Variants in DMD observed in about 807,000 individuals in gnomAD.
DMD encodes mutant dystrophin.
In DMD, 63 loss-of-function variants were observed where a neutral mutation model predicts 330.1. That is an observed-to-expected ratio of 0.19 (90% CI 0.16 to 0.24). The LOEUF (loss-of-function observed/expected upper bound fraction) is 0.24, where lower values mean the gene tolerates loss of function less well. Among genes scored for constraint, DMD ranks in the 10% least tolerant of loss-of-function variants. The pLI, the probability that DMD is intolerant of heterozygous loss-of-function variation, is 1.00. For missense variants in DMD, 3,344 were observed against 2,684.1 expected (o/e 1.25, Z -5.43); for synonymous variants, 1,223 against 959.8 (o/e 1.27, Z -5.07).
At chrX:31,875,438 A>G (rs976791632) in intron 47 of DMD, 65 bp from the exon 48 acceptor site, 1 of 890,440 alleles carries the variant, frequency 1.1e-6, no homozygotes. Context: ...ATGTTTAAAA[A>G]TATATTTTCA....
chrX:32,696,809 C>T (rs893214248), intron 9 of DMD, among the ~76,000 whole-genome samples: 1 of 110,839 alleles, frequency 9.0e-6, no homozygotes, highest in South Asian at 3.9e-4. Flanking sequence ...TCTAGAGAGT[C>T]GATGGAGAGT....
intron 45 of DMD, among the ~76,000 whole-genome samples, chrX:31,949,824 C>A (rs1288841378): frequency 9.1e-6 from 1 of 109,936 alleles, no homozygotes; most frequent in Non-Finnish European, 1.9e-5. Flanking sequence ...TTATTACATT[C>A]TAGTCTTTCT....
Position 32,279,914 on chromosome X carries a change from AC to A in DMD, c.6290+7614del, listed in dbSNP as rs199690820. ...ATGCCTATATCAAAACATCTCATGT[AC>A]CCCATATATATATATGTACCCCACA... On this transcript the variant is annotated intron_variant, in intron 43 of 78. Transcript: ENST00000357033. Among the ~76,000 whole-genome samples, 503 of 88,369 alleles carry A rather than the reference AC, an allele frequency of 5.7e-3. 2 individuals carry two copies. Among genetic ancestry groups the A allele is most frequent in the African/African-American group, 0.019 (484 of 25,721 alleles). 76.7% of individuals were successfully genotyped at this position (88,369 alleles called of 115,157 possible).
At position 33,114,679 on chromosome X, in the gene DMD, A is replaced by G. The variant is rs746627680; in HGVS notation, c.32-94479T>C. 2.7e-5 allele frequency among the ~76,000 whole-genome samples: 3 copies of G among 112,212 alleles called. No homozygotes were observed. The Admixed American group carries it at 2.8e-4, about 11-fold the overall frequency. On this transcript the variant is annotated intron_variant, in intron 1 of 78. Transcript: ENST00000357033. ...AGATTTATTCTAAAAAGTTGAAAAT[A>G]AATATAATGTAGAAGTTATTATTAT...
chrX:33,142,609 A>G (rs1177813982), intron 1 of DMD, among the ~76,000 whole-genome samples: 4 of 112,047 alleles, frequency 3.6e-5, no homozygotes, highest in Admixed American at 1.9e-4. Context: ...AATAGTTCAC[A>G]GCCTCCCCCG....
intron 2 of DMD, among the ~76,000 whole-genome samples, chrX:32,964,740 C>A (rs1041625967): frequency 3.6e-5 from 4 of 111,457 alleles, no homozygotes; most frequent in Admixed American, 9.6e-5. Context: ...ACAAAAAGTT[C>A]TCTTTATAGA....
intron 45 of DMD, among the ~76,000 whole-genome samples, chrX:31,956,533 T>C (rs1328595555): frequency 9.0e-6 from 1 of 111,566 alleles, no homozygotes; most frequent in African/African-American, 3.3e-5. Flanking sequence ...TAAATTCAGA[T>C]AAGATTAGTG....
At chrX:32,305,705 T>C (rs977579509) in intron 42 of DMD, among the ~76,000 whole-genome samples, 55 of 111,099 alleles carry the variant, frequency 5.0e-4, no homozygotes, top group African/African-American at 1.7e-3. Context: ...AACTTACAAT[T>C]GCTCTCATCT....
chrX:31,945,737 T>G (rs2095077448), intron 45 of DMD, among the ~76,000 whole-genome samples: 1 of 111,752 alleles, frequency 8.9e-6, no homozygotes, highest in South Asian at 3.8e-4. Flanking sequence ...AACTTTCACT[T>G]TCAGAACTTT....
chrX:31,203,921 T>C, intron 67 of DMD, 40 bp downstream of exon 67: 1 of 1,153,973 alleles, frequency 8.7e-7, no homozygotes, highest in Non-Finnish European at 1.2e-6. Flanking sequence ...TTCTAAAATA[T>C]GAAAGAATAA....
Position 31,266,159 on chromosome X carries a change from C to CAAAAAAAAAAA in DMD, c.9225-5154_9225-5144dup, listed in dbSNP as rs1174153877. 4.1e-3 allele frequency among the ~76,000 whole-genome samples: 54 copies of CAAAAAAAAAAA among 13,327 alleles called. 10 individuals carry two copies. The highest frequency in any genetic ancestry group is 0.015 in the African/African-American group (41 of 2,690). The allele number at this position is 13,327 out of a possible 115,157, so 11.6% of individuals were successfully genotyped here. A position where few individuals can be genotyped will look rare whatever the true frequency, so the allele number is the denominator to read the frequency against. On this transcript the variant is annotated intron_variant, in intron 62 of 78. Coordinates refer to ENST00000357033, the MANE Select transcript of DMD (RefSeq NM_004006.3). ...TGACTCCACACCCAATCCCGAAGGG[C>CAAAAAAAAAAA]AAAAAAAAAAAAAAAAAAAAAAAAG...
At chrX:33,127,848 C>G (rs1359865603) in intron 1 of DMD, among the ~76,000 whole-genome samples, 2 of 110,542 alleles carry the variant, frequency 1.8e-5, no homozygotes, top group African/African-American at 3.3e-5. Flanking sequence ...ATTTTAGATA[C>G]CTGAAGACAA....
At chrX:32,518,575 A>G (rs1603635344) in intron 17 of DMD, among the ~76,000 whole-genome samples, 2 of 111,517 alleles carry the variant, frequency 1.8e-5, no homozygotes, top group African/African-American at 6.5e-5. Flanking sequence ...GTGACTTTCT[A>G]TCACAAATGG....
chrX:31,230,664 G>A (rs5972343), intron 63 of DMD, among the ~76,000 whole-genome samples: 41,651 of 95,494 alleles, frequency 0.44, 7,940 homozygotes, highest in African/African-American at 0.8. Flanking sequence ...AAAAAAAAAA[G>A]GGAGAGAAGC....
intron 9 of DMD, among the ~76,000 whole-genome samples, chrX:32,648,007 C>T (rs60202007): frequency 0.02 from 2,260 of 111,944 alleles, 55 homozygotes; most frequent in African/African-American, 0.069. Context: ...CTTCTCCAAA[C>T]GAAGCATTGT....
At chrX:32,747,471 TTTA>T (rs1273940555) in intron 7 of DMD, among the ~76,000 whole-genome samples, 2 of 110,999 alleles carry the variant, frequency 1.8e-5, no homozygotes, top group Non-Finnish European at 3.8e-5. Flanking sequence ...TTTTGCTGGG[TTTA>T]TTTATTTACT....
intron 48 of DMD, among the ~76,000 whole-genome samples, chrX:31,843,328 C>T (rs2093351663): frequency 8.9e-6 from 1 of 111,972 alleles, no homozygotes; most frequent in Admixed American, 9.5e-5. Context: ...TGTACACTCC[C>T]ACCAACAGCG....
chrX:32,687,558 G>A (rs2062973848), intron 9 of DMD, among the ~76,000 whole-genome samples: 1 of 110,562 alleles, frequency 9.0e-6, no homozygotes, highest in African/African-American at 3.3e-5. Context: ...CCAGCATTTA[G>A]TGAGTGACTG....
intron 30 of DMD, among the ~76,000 whole-genome samples, chrX:32,403,908 C>A (rs754307425): frequency 4.5e-5 from 5 of 112,040 alleles, no homozygotes; most frequent in Non-Finnish European, 9.4e-5. Flanking sequence ...TGCTGTCTAA[C>A]TCATAAATCA....
Sources: gnomAD v4.1 joint callset for allele counts (sites outside exome capture counted in the v4.1 genomes callset) on GRCh38, gnomAD v4.1.1 for gene constraint, MANE v1.5 for transcripts, NCBI Gene and HGNC (gene_info 2026-07-23, HGNC 2026-07-21) for gene names.